The following JDP2 variants were observed in gnomAD, a reference collection of about 807,000 sequenced individuals.
JDP2 encodes the protein progesterone receptor co-activator.
JDP2 carries 9 observed loss-of-function variants against 17.1 expected under a neutral mutation model. The observed-to-expected ratio is 0.53, with a 90% CI of 0.32 to 0.92. The LOEUF is 0.92. JDP2 is among the 40% of genes least tolerant of loss of function. JDP2 has a pLI of 0.04. For synonymous variants in JDP2, 107 were observed against 95.6 expected (o/e 1.12, Z -0.69); for missense variants, 179 against 220.0 (o/e 0.81, Z 1.18).
rs1463555973 is a variant in JDP2 at position 75,451,591 on chromosome 14, G to A, written c.202-9835G>A. 2.6e-5 allele frequency among the ~76,000 whole-genome samples: 4 copies of A among 152,330 alleles called. No homozygotes were observed. The East Asian group carries it at 7.7e-4, about 29-fold the overall frequency. On this transcript the variant is annotated intron_variant, in intron 2 of 3. Coordinates refer to ENST00000651602, the MANE Select transcript of JDP2 (RefSeq NM_001135048.2). ...CCGTGCGTATCGAGTGAGGAGAGTAGCAGGCCAAGGATGGGACCTGGAAAA... is the reference window on the plus strand; with the variant it reads ...CCGTGCGTATCGAGTGAGGAGAGTAACAGGCCAAGGATGGGACCTGGAAAA...
At chr14:75,449,035 C>T (rs546430700) in intron 2 of JDP2, among the ~76,000 whole-genome samples, 129 of 152,242 alleles carry the variant, frequency 8.5e-4, no homozygotes, top group Non-Finnish European at 3.7e-4. Context: ...CCTTTCACCT[C>T]GGTAGGGTTT....
chr14:75,436,550 G>A (rs1166663657), intron 1 of JDP2, among the ~76,000 whole-genome samples: 1 of 152,254 alleles, frequency 6.6e-6, no homozygotes. Flanking sequence ...GAGCAGTTTT[G>A]TACTAACATG....
rs189044530 is a variant in JDP2 at position 75,443,793 on chromosome 14, C to T, written c.201+5672C>T. On this transcript the variant is annotated intron_variant, in intron 2 of 3. Transcript: ENST00000651602. ...GAGGACGTGGCTGGATCTCTATGTC[C>T]TTAGCAGAAATCAGACACCTCTGAA... is the stretch of plus-strand genomic sequence containing the variant. Among the ~76,000 whole-genome samples the T allele has an allele frequency of 9.9e-4, 151 of 152,304 alleles. 1 individual carries two copies. The South Asian group carries it at 0.023, about 23-fold the overall frequency.
chr14:75,446,973 C>T (rs767311554), intron 2 of JDP2, among the ~76,000 whole-genome samples: 7 of 152,254 alleles, frequency 4.6e-5, no homozygotes, highest in East Asian at 1.9e-4. Flanking sequence ...TTTAGACCAG[C>T]GGCAGTGAAG....
intron 3 of JDP2, among the ~76,000 whole-genome samples, chr14:75,465,123 G>GACTCAAAAGAAATTTGAGTCT (rs1886515491): frequency 6.6e-6 from 1 of 152,152 alleles, no homozygotes; most frequent in Non-Finnish European, 1.5e-5. Flanking sequence ...ACAATATTCA[G>GACTCAAAAGAAATTTGAGTCT]GTTGCCCAGA....
chr14:75,428,248 G>C lies in JDP2; in HGVS notation c.-28G>C, dbSNP rs1413915017. ...GGCGCCGCCTCCCCCCGCACCTTCT[G>C]CACGGTGGGTGCGAGGGCGCGCGCT... On this transcript the variant is annotated 5_prime_UTR_variant, in exon 1 of 4. Transcript: ENST00000651602. This position sits in a 1 kb window ranked among gnomAD's most constrained non-coding sequence, Gnocchi z 5.6. 6.8e-6 allele frequency: 1 copy of C among 146,376 alleles called. No individual in the cohort carries two copies. The highest frequency in any genetic ancestry group is 1.5e-5 in the Non-Finnish European group (1 of 65,780). The allele number at this position is 146,376 out of a possible 1,614,324, so 9.1% of individuals were successfully genotyped here. A position where few individuals can be genotyped will look rare whatever the true frequency, so the allele number is the denominator to read the frequency against.
rs6574233 is a variant in JDP2 at position 75,432,163 on chromosome 14, A to C, written c.-24+3911A>C. On this transcript the variant is annotated intron_variant, in intron 1 of 3. Transcript: ENST00000651602. ...AGAGGGCCTTTTGCTGCTCGCCTTC[A>C]CTCTCAGTCTTGGGGCCTTCCCCAT... 21,926 of 655,952 alleles carry C rather than the reference A, an allele frequency of 0.033. 3,607 individuals are homozygous for C. The African/African-American group carries it at 0.36, about 11-fold the overall frequency. The allele number at this position is 655,952 out of a possible 1,614,324, so 40.6% of individuals were successfully genotyped here.
At chr14:75,468,446 A>G (rs1372456099) in intron 3 of JDP2, among the ~76,000 whole-genome samples, 3 of 152,134 alleles carry the variant, frequency 2.0e-5, no homozygotes, top group Non-Finnish European at 4.4e-5. Context: ...TCCAAGAAAA[A>G]TCATTCAGAT....
At chr14:75,449,480 CTCTT>C (rs1885753831) in intron 2 of JDP2, among the ~76,000 whole-genome samples, 1 of 152,228 alleles carries the variant, frequency 6.6e-6, no homozygotes, top group East Asian at 1.9e-4. Flanking sequence ...GTATTATTAA[CTCTT>C]TGAGAAGAAG....
At chr14:75,442,330 AC>A (rs2139959875) in intron 2 of JDP2, among the ~76,000 whole-genome samples, 1 of 152,294 alleles carries the variant, frequency 6.6e-6, no homozygotes, top group South Asian at 2.1e-4. Flanking sequence ...CTTATACACA[AC>A]AAGAGGTTGG....
chr14:75,470,543 T>C lies in JDP2; in HGVS notation c.*1068T>C, dbSNP rs1239827154. 1 of 152,250 alleles carries C rather than the reference T, an allele frequency of 6.6e-6. No homozygotes were observed. Among genetic ancestry groups the C allele is most frequent in the Admixed American group, 6.5e-5 (1 of 15,288 alleles). 9.4% of individuals were successfully genotyped at this position (152,250 alleles called of 1,614,324 possible). A position where few individuals can be genotyped will look rare whatever the true frequency, so the allele number is the denominator to read the frequency against. On this transcript the variant is annotated 3_prime_UTR_variant, in exon 4 of 4. Transcript: ENST00000651602. ...GTTTGGAGCCTCTGCTATAGGCCTG[T>C]TCATTTTCACAACAGCTCTCCTATT...
chr14:75,444,899 A>G (rs1456878047), intron 2 of JDP2, among the ~76,000 whole-genome samples: 1 of 152,204 alleles, frequency 6.6e-6, no homozygotes, highest in African/African-American at 2.4e-5. Flanking sequence ...TTTAATTATC[A>G]TAACAAACTA....
rs1249944844 is a variant in JDP2 at position 75,469,990 on chromosome 14, A to C, written c.*515A>C. The C allele has an allele frequency of 6.5e-6, 1 of 152,992 alleles. No homozygotes were observed. Among genetic ancestry groups the C allele is most frequent in the African/African-American group, 2.4e-5 (1 of 41,390 alleles). 9.5% of individuals were successfully genotyped at this position (152,992 alleles called of 1,614,324 possible). On this transcript the variant is annotated 3_prime_UTR_variant, in exon 4 of 4. Coordinates refer to ENST00000651602, the MANE Select transcript of JDP2 (RefSeq NM_001135048.2). ...CGTGCTGCGGGGCCCTGATGCCCCCACCCACCTCGGTCCAGCGCGGCCCTG... is the reference window on the plus strand; with the variant it reads ...CGTGCTGCGGGGCCCTGATGCCCCCCCCCACCTCGGTCCAGCGCGGCCCTG...
At chr14:75,468,019 GA>G (rs1886643587) in intron 3 of JDP2, among the ~76,000 whole-genome samples, 1 of 152,140 alleles carries the variant, frequency 6.6e-6, no homozygotes, top group Non-Finnish European at 1.5e-5. Flanking sequence ...CCCCTGGAGG[GA>G]GAGGGTTGGG....
chr14:75,433,195 C>CAAA lies in JDP2; in HGVS notation c.-23-4676_-23-4674dup, dbSNP rs780191475. Among the ~76,000 whole-genome samples the CAAA allele has an allele frequency of 2.7e-3, 53 of 19,394 alleles. 7 individuals are homozygous for CAAA. The highest frequency in any genetic ancestry group is 4.7e-3 in the Admixed American group (5 of 1,058). The allele number at this position is 19,394 out of a possible 152,430, so 12.7% of individuals were successfully genotyped here. A position where few individuals can be genotyped will look rare whatever the true frequency, so the allele number is the denominator to read the frequency against. On this transcript the variant is annotated intron_variant, in intron 1 of 3. Coordinates refer to ENST00000651602, the MANE Select transcript of JDP2 (RefSeq NM_001135048.2). ...GGGCAACAAGAGTGAAACTCCGTCT[C>CAAA]AAAAAAAAAAAAAAAAAAAAAAAAA...
intron 3 of JDP2, among the ~76,000 whole-genome samples, chr14:75,467,780 G>A (rs1310639513): frequency 6.6e-6 from 1 of 152,058 alleles, no homozygotes; most frequent in Admixed American, 6.5e-5. Flanking sequence ...TCTCAGAACA[G>A]AGGACCAGGC....
intron 3 of JDP2, among the ~76,000 whole-genome samples, chr14:75,468,598 A>C (rs1359380508): frequency 2.0e-5 from 3 of 152,202 alleles, no homozygotes; most frequent in African/African-American, 7.2e-5. Flanking sequence ...GCTGAGCCGG[A>C]AGTTCCCTGG....
rs142121436 is a variant in JDP2 at position 75,450,882 on chromosome 14, C to T, written c.202-10544C>T. ...ATATAATACAGTAGGGGCCAGGATA[C>T]GCTCAGAGCAGAGGGACACCTCCTC... On this transcript the variant is annotated intron_variant, in intron 2 of 3. Coordinates refer to ENST00000651602, the MANE Select transcript of JDP2 (RefSeq NM_001135048.2). Among the ~76,000 whole-genome samples, 1,160 of 152,256 alleles carry T rather than the reference C, an allele frequency of 7.6e-3. 13 individuals are homozygous for T. The highest frequency in any genetic ancestry group is 0.026 in the African/African-American group (1,080 of 41,540).
intron 2 of JDP2, among the ~76,000 whole-genome samples, chr14:75,440,259 A>G (rs975265227): frequency 3.3e-5 from 5 of 152,216 alleles, no homozygotes; most frequent in African/African-American, 4.8e-5. Flanking sequence ...GAAGAGGCAG[A>G]TGGAGCTGCG....
Sources: gnomAD v4.1 joint callset for allele counts (sites outside exome capture counted in the v4.1 genomes callset) on GRCh38, gnomAD v4.1.1 for gene constraint, Gnocchi (gnomAD v3.1) non-coding constraint, MANE v1.5 for transcripts, NCBI Gene and HGNC (gene_info 2026-07-23, HGNC 2026-07-21) for gene names.